The following PCDHGB4 variants were observed in gnomAD, a reference collection of about 807,000 sequenced individuals.
PCDHGB4 encodes the protein protocadherin gamma subfamily B, 4.
A neutral mutation model predicts 60.5 loss-of-function variants in PCDHGB4; 38 were observed. That is an observed-to-expected ratio of 0.63 (90% CI 0.48 to 0.82). PCDHGB4 has a LOEUF of 0.82. Ranked by LOEUF, PCDHGB4 falls within the 40% of genes least tolerant of loss-of-function variation. The pLI, the probability that PCDHGB4 is intolerant of heterozygous loss-of-function variation, is 0.00. For missense variants in PCDHGB4, 1,109 were observed against 1,209.6 expected, an observed-to-expected ratio of 0.92 and a Z score of 1.23; for synonymous variants, 456 against 509.7, an observed-to-expected ratio of 0.89 and a Z score of 1.42.
chr5:141,476,687 A>G lies in PCDHGB4; in HGVS notation c.2398-18120A>G. 1 of 1,614,212 alleles carries G rather than the reference A, an allele frequency of 6.2e-7. No individual in the cohort carries two copies. Among genetic ancestry groups the G allele is most frequent in the Non-Finnish European group, 8.5e-7 (1 of 1,180,044 alleles). On this transcript the variant is annotated intron_variant, in intron 1 of 3. Transcript: ENST00000519479. This position sits in a 1 kb window ranked among gnomAD's most constrained non-coding sequence, Gnocchi z 7.6. ...TCGCGTGCAGACGCGGGAGGACAGC[A>G]CCAAGTACGCGGAGCTGGTGTTGGA... is the stretch of plus-strand genomic sequence containing the variant.
rs762121534 is a variant in PCDHGB4, at chr5:141,403,984, A to G, written c.2397+13703A>G. 1.7e-5 allele frequency: 27 copies of G among 1,613,774 alleles called. No homozygotes were observed. The South Asian group carries it at 2.7e-4, about 16-fold the overall frequency. On this transcript the variant is annotated intron_variant, in intron 1 of 3. Coordinates refer to ENST00000519479, the MANE Select transcript of PCDHGB4 (RefSeq NM_003736.4). Reference sequence around the variant, plus strand: ...CGGTGGAAGATGTAAATGACAATAGACCTGAAGTGACCATTACATCTCTGT... The same window carrying G: ...CGGTGGAAGATGTAAATGACAATAGGCCTGAAGTGACCATTACATCTCTGT...
At position 141,432,225 on chromosome 5, in the gene PCDHGB4, A is replaced by T; in HGVS notation, c.2397+41944A>T. On this transcript the variant is annotated intron_variant, in intron 1 of 3. Transcript: ENST00000519479. This position sits in a 1 kb window ranked among gnomAD's most constrained non-coding sequence, Gnocchi z 6.0. ...TGTGAAGAGAACGCCCAGATCACTT[A>T]TTCCCTGGCTGAGAACACCATCCAA... The T allele has an allele frequency of 1.2e-6, 2 of 1,614,206 alleles. No individual in the cohort carries two copies. Among genetic ancestry groups the T allele is most frequent in the South Asian group, 2.2e-5 (2 of 91,080 alleles).
rs200715621 is a variant in PCDHGB4 at position 141,432,628 on chromosome 5, G to A, written c.2397+42347G>A. 3.2e-4 allele frequency: 515 copies of A among 1,611,902 alleles called. No individual in the cohort carries two copies. Among genetic ancestry groups the A allele is most frequent in the Non-Finnish European group, 4.2e-4 (497 of 1,179,404 alleles). On this transcript the variant is annotated intron_variant, in intron 1 of 3. Coordinates refer to ENST00000519479, the MANE Select transcript of PCDHGB4 (RefSeq NM_003736.4). The surrounding 1 kb of genome is among the most constrained non-coding windows in gnomAD (Gnocchi z 6.0). ...GACTCTTCTCGGTGGGTCTGCACAC[G>A]GGCGAGGTGCGCACGGCGCGAGCCC...
At position 141,512,116 on chromosome 5, in the gene PCDHGB4, T is replaced by TTA. The variant is rs2099884085; in HGVS notation, c.*943_*944insTA. On this transcript the variant is annotated 3_prime_UTR_variant, in exon 4 of 4. Coordinates refer to ENST00000519479, the MANE Select transcript of PCDHGB4 (RefSeq NM_003736.4). ...ACTAGGCTGGACCCTTCCCACTACA[T>TTA]AATAGGGCTCAGCCCAGGCAGCCAG... 1 of 152,600 alleles carries TTA rather than the reference T, an allele frequency of 6.6e-6. No homozygotes were observed. The highest frequency in any genetic ancestry group is 2.1e-4 in the South Asian group (1 of 4,832). 9.5% of individuals were successfully genotyped at this position (152,600 alleles called of 1,614,324 possible).
chr5:141,408,561 T>C lies in PCDHGB4; in HGVS notation c.2397+18280T>C. On this transcript the variant is annotated intron_variant, in intron 1 of 3. Coordinates refer to ENST00000519479, the MANE Select transcript of PCDHGB4 (RefSeq NM_003736.4). ...AATCCTTTAAATATTTTTCATGTCA[T>C]TGTGGTGATTGAGGATGTTAATGAC... 6.2e-7 allele frequency: 1 copy of C among 1,613,994 alleles called. No homozygotes were observed.
chr5:141,489,166 C>A lies in PCDHGB4; in HGVS notation c.2398-5641C>A. The A allele has an allele frequency of 9.1e-7, 1 of 1,099,536 alleles. No individual in the cohort carries two copies. The highest frequency in any genetic ancestry group is 1.3e-6 in the Non-Finnish European group (1 of 761,554). The allele number at this position is 1,099,536 out of a possible 1,614,324, so 68.1% of individuals were successfully genotyped here. ...AAGGAGACATAAGAGACTTCAGCTGCTGCATTCCAAGCCCTGGGTCTACCT... is the reference window on the plus strand; with the variant it reads ...AAGGAGACATAAGAGACTTCAGCTGATGCATTCCAAGCCCTGGGTCTACCT... On this transcript the variant is annotated intron_variant, in intron 1 of 3. Transcript: ENST00000519479. This position sits in a 1 kb window ranked among gnomAD's most constrained non-coding sequence, Gnocchi z 4.5.
intron 1 of PCDHGB4, chr5:141,415,906 A>C (rs2154546200): frequency 1.3e-6 from 1 of 784,990 alleles, no homozygotes; most frequent in East Asian, 3.5e-5. Context: ...ACAGACTTCC[A>C]TACAGAAGTG....
chr5:141,490,985 C>T lies in PCDHGB4; in HGVS notation c.2398-3822C>T. On this transcript the variant is annotated intron_variant, in intron 1 of 3. Transcript: ENST00000519479. This position sits in a 1 kb window ranked among gnomAD's most constrained non-coding sequence, Gnocchi z 5.4. ...TCAGCCCCCCAGCGTCTCCCTCGCT[C>T]TGCTCCTCCTGGCTCCTTGGTCACC... The T allele has an allele frequency of 1.9e-6, 3 of 1,614,128 alleles. No individual in the cohort carries two copies. The highest frequency in any genetic ancestry group is 2.5e-6 in the Non-Finnish European group (3 of 1,180,032).
chr5:141,395,546 G>GTT (rs2093266838), intron 1 of PCDHGB4: 4 of 32,300 alleles, frequency 1.2e-4, no homozygotes, highest in African/African-American at 9.9e-4. Context: ...TATTGTTTGT[G>GTT]TGTGTGTGTG....
chr5:141,417,751 C>T, intron 1 of PCDHGB4: 1 of 1,427,514 alleles, frequency 7.0e-7, no homozygotes, highest in Non-Finnish European at 9.2e-7. Flanking sequence ...AGATTGCCAG[C>T]TCCGAGACCC....
At chr5:141,455,270 A>T (rs2098818132) in intron 1 of PCDHGB4, among the ~76,000 whole-genome samples, 1 of 151,958 alleles carries the variant, frequency 6.6e-6, no homozygotes, top group South Asian at 2.1e-4. Context: ...CTTCCCATTG[A>T]TTATTAACAT....
intron 1 of PCDHGB4, chr5:141,395,163 G>A: frequency 6.2e-7 from 1 of 1,614,160 alleles, no homozygotes; most frequent in Middle Eastern, 1.6e-4. Flanking sequence ...CAGTCAGGAG[G>A]GCTGTGAGAA....
chr5:141,467,736 G>A (rs1435480730), intron 1 of PCDHGB4, among the ~76,000 whole-genome samples: 1 of 151,902 alleles, frequency 6.6e-6, no homozygotes, highest in Non-Finnish European at 1.5e-5. Flanking sequence ...ATCCCAGCTC[G>A]CTGCAACCTC....
rs542248328 is a variant in PCDHGB4, at chr5:141,432,682, C to T, written c.2397+42401C>T. ...TGGACAGAGACGCGCTCAAGCAGAG[C>T]CTCGTAGTGGCCGTCCAGGACCACG... On this transcript the variant is annotated intron_variant, in intron 1 of 3. Coordinates refer to ENST00000519479, the MANE Select transcript of PCDHGB4 (RefSeq NM_003736.4). This position sits in a 1 kb window ranked among gnomAD's most constrained non-coding sequence, Gnocchi z 6.0. The T allele has an allele frequency of 6.5e-5, 105 of 1,613,976 alleles. No homozygotes were observed. In the African/African-American group the frequency reaches 1.1e-3, roughly 17 times the overall value.
At chr5:141,422,872 C>T (rs773469060) in intron 1 of PCDHGB4, 19 of 1,614,134 alleles carry the variant, frequency 1.2e-5, no homozygotes, top group African/African-American at 2.7e-5. Flanking sequence ...CAACGTGTCG[C>T]TGAGCCTGTT....
intron 1 of PCDHGB4, among the ~76,000 whole-genome samples, chr5:141,459,949 G>T (rs1284876601): frequency 2.0e-5 from 3 of 152,124 alleles, no homozygotes; most frequent in Non-Finnish European, 4.4e-5. Context: ...GTGATGGCAG[G>T]TGCCTGTAAT....
intron 1 of PCDHGB4, among the ~76,000 whole-genome samples, chr5:141,492,408 C>T (rs1187024017): frequency 2.0e-5 from 3 of 152,244 alleles, no homozygotes; most frequent in African/African-American, 2.4e-5. Flanking sequence ...CTCCCCTCTG[C>T]CGCTCCCTCC....
At chr5:141,452,751 A>C (rs1592230802) in intron 1 of PCDHGB4, among the ~76,000 whole-genome samples, 1 of 152,094 alleles carries the variant, frequency 6.6e-6, no homozygotes, top group South Asian at 2.1e-4. Context: ...AGAAGGAAGA[A>C]GGAAGGGAGG....
intron 1 of PCDHGB4, chr5:141,400,053 G>C: frequency 6.2e-7 from 1 of 1,613,736 alleles, no homozygotes; most frequent in Non-Finnish European, 8.5e-7. Flanking sequence ...TGGTTGCTGT[G>C]CGTGATGGTG....
Sources: gnomAD v4.1 joint callset for allele counts (sites outside exome capture counted in the v4.1 genomes callset) on GRCh38, gnomAD v4.1.1 for gene constraint, Gnocchi (gnomAD v3.1) non-coding constraint, MANE v1.5 for transcripts, NCBI Gene and HGNC (gene_info 2026-07-23, HGNC 2026-07-21) for gene names.